The following VAV2 variants were observed in gnomAD, a reference collection of about 807,000 sequenced individuals.
VAV2 encodes vav guanine nucleotide exchange factor 2.
VAV2 carries 67 observed loss-of-function variants against 132.5 expected under a neutral mutation model. The ratio of observed to expected loss-of-function variants is 0.51; its 90% CI spans 0.42 to 0.62. The LOEUF is 0.62. Ranked by LOEUF, VAV2 falls within the 20% of genes least tolerant of loss-of-function variation. The pLI is 0.00. For synonymous variants in VAV2, 492 were observed against 443.5 expected (o/e 1.11, Z -1.37); for missense variants, 938 against 1,153.6 (o/e 0.81, Z 2.71).
chr9:133,864,707 T>C (rs1274199546), intron 2 of VAV2, among the ~76,000 whole-genome samples: 1 of 152,258 alleles, frequency 6.6e-6, no homozygotes, highest in Non-Finnish European at 1.5e-5. Flanking sequence ...TGGGGCCCTC[T>C]GTCCCCTAAG....
chr9:133,836,695 A>T (rs550326224), intron 3 of VAV2, among the ~76,000 whole-genome samples: 2 of 152,206 alleles, frequency 1.3e-5, no homozygotes, highest in Non-Finnish European at 2.9e-5. Context: ...CAGTTTAGGG[A>T]AACAGGGCAT....
In VAV2 at chr9:133,778,736, C is replaced by T. The variant is rs111610158; in HGVS notation, c.1890+26G>A. On this transcript the variant is annotated intron_variant, in intron 22 of 29. Transcript: ENST00000371850. ...GGGAGGAGCTGGAGCCGGGGACCCT[C>T]GACCCTCCCGGGCCCCAGGACCCAC... 2.0e-4 allele frequency: 329 copies of T among 1,609,786 alleles called. 1 individual carries two copies. In the East Asian group the frequency reaches 5.7e-3, roughly 28 times the overall value.
At chr9:133,838,851 ATGGGTGGG>A (rs796630630) in intron 3 of VAV2, among the ~76,000 whole-genome samples, 2 of 52,544 alleles carry the variant, frequency 3.8e-5, no homozygotes, top group Non-Finnish European at 6.3e-5. Flanking sequence ...GGATGGATGA[ATGGGTGGG>A]TGGGTGGGTG....
chr9:133,911,133 G>A (rs540775340), intron 2 of VAV2, among the ~76,000 whole-genome samples: 94 of 152,308 alleles, frequency 6.2e-4, no homozygotes, highest in African/African-American at 2.2e-3. Flanking sequence ...CATATTTACC[G>A]AAAGGAATGT....
At chr9:133,876,230 G>A (rs932651589) in intron 2 of VAV2, among the ~76,000 whole-genome samples, 21 of 152,236 alleles carry the variant, frequency 1.4e-4, no homozygotes, top group African/African-American at 3.6e-4. Context: ...TGCTATCAGC[G>A]CTGCTGTTCT....
At chr9:133,835,295 G>A (rs1399298563) in intron 3 of VAV2, among the ~76,000 whole-genome samples, 1 of 152,088 alleles carries the variant, frequency 6.6e-6, no homozygotes. Flanking sequence ...ACAGATGGGT[G>A]TGGCCCCGAG....
chr9:133,783,378 C>A, intron 19 of VAV2, 125 bp downstream of exon 19: 1 of 868,532 alleles, frequency 1.2e-6, no homozygotes, highest in African/African-American at 1.7e-5. Flanking sequence ...CACGTGAGCA[C>A]TGGTGCCCTC....
chr9:133,875,124 C>A (rs899536285), intron 2 of VAV2, among the ~76,000 whole-genome samples: 1 of 152,218 alleles, frequency 6.6e-6, no homozygotes, highest in Non-Finnish European at 1.5e-5. Context: ...GGATCACCTG[C>A]GTTTCTTTCA....
intron 13 of VAV2, among the ~76,000 whole-genome samples, chr9:133,791,153 C>T (rs1158966581): frequency 1.3e-5 from 2 of 152,180 alleles, no homozygotes; most frequent in African/African-American, 4.8e-5. Context: ...AAGTCGGCTC[C>T]GGTCAGCACA....
At chr9:133,947,376 C>T (rs142553753) in intron 1 of VAV2, among the ~76,000 whole-genome samples, 219 of 152,200 alleles carry the variant, frequency 1.4e-3, no homozygotes, top group Non-Finnish European at 2.1e-3. Flanking sequence ...ATGAGGAGAC[C>T]GAGACTCAGG....
rs1588370749 is a variant in VAV2 at position 133,919,724 on chromosome 9, G to C, written c.321+19379C>G. 6.6e-6 allele frequency among the ~76,000 whole-genome samples: 1 copy of C among 152,302 alleles called. No individual in the cohort carries two copies. ...ACAGCGCAGAGAGTGGGGCCAGATG[G>C]ACGTGGCCAGTCTCAGGGGAGCAAC... On this transcript the variant is annotated intron_variant, in intron 2 of 29. Transcript: ENST00000371850. The surrounding 1 kb of genome is among the most constrained non-coding windows in gnomAD (Gnocchi z 5.8).
At chr9:133,904,306 C>T (rs1385689761) in intron 2 of VAV2, among the ~76,000 whole-genome samples, 1 of 152,114 alleles carries the variant, frequency 6.6e-6, no homozygotes, top group African/African-American at 2.4e-5. Context: ...CGCTCTAAGA[C>T]ATTAAAAAGA....
chr9:133,937,411 TGA>T (rs1840952909), intron 2 of VAV2, among the ~76,000 whole-genome samples: 1 of 104,828 alleles, frequency 9.5e-6, no homozygotes, highest in Admixed American at 1.0e-4. Context: ...TGTGTGTGTG[TGA>T]GACTGTATGT....
intron 9 of VAV2, among the ~76,000 whole-genome samples, chr9:133,805,253 G>A (rs1572751): frequency 6.6e-6 from 1 of 152,028 alleles, no homozygotes; most frequent in East Asian, 1.9e-4. Flanking sequence ...CCAGGCCCCA[G>A]AGCAGACCCA....
Position 133,807,309 on chromosome 9 carries a change from C to T in VAV2, c.684G>A (p.Leu228=). The change falls in exon 8 of 30, where the codon CTG becomes CTA. Residue 228 remains leucine, a synonymous_variant. Coordinates refer to ENST00000371850, the MANE Select transcript of VAV2 (RefSeq NM_001134398.2). ...TGTCCGCCGGGCTCAGCACCAGCCG[C>T]AGGGGGCTCATGTAGTTCTGGAAGA... ...EDIEKNYMSP[L]RLVLSPADMA... The T allele has an allele frequency of 6.2e-7, 1 of 1,611,020 alleles. No individual in the cohort carries two copies. The highest frequency in any genetic ancestry group is 8.5e-7 in the Non-Finnish European group (1 of 1,179,238).
intron 1 of VAV2, among the ~76,000 whole-genome samples, chr9:133,947,014 C>T (rs1841382836): frequency 6.6e-6 from 1 of 152,280 alleles, no homozygotes; most frequent in African/African-American, 2.4e-5. Context: ...AATGAATGAA[C>T]AAATGAATGA....
At chr9:133,964,510 T>C (rs1384018717) in intron 1 of VAV2, among the ~76,000 whole-genome samples, 1 of 152,132 alleles carries the variant, frequency 6.6e-6, no homozygotes, top group Non-Finnish European at 1.5e-5. Flanking sequence ...GAAAAATACA[T>C]TTTAGCACAA....
Position 133,787,247 on chromosome 9 carries a change from A to AT in VAV2, c.1420dup (p.Met474AsnfsTer35). 1 of 1,585,320 alleles carries AT rather than the reference A, an allele frequency of 6.3e-7. No individual in the cohort carries two copies. Among genetic ancestry groups the AT allele is most frequent in the Non-Finnish European group, 8.6e-7 (1 of 1,163,474 alleles). On this transcript the variant is annotated frameshift_variant and splice_region_variant, in exon 16 of 30. Coordinates refer to ENST00000371850, the MANE Select transcript of VAV2 (RefSeq NM_001134398.2). LOFTEE classifies it high-confidence loss of function. ...AGGACCTGGGCGCTAGGTGCTTACC[A>AT]TTTTCCCGTGAGACTAGGAAGCATG...
At position 133,957,659 on chromosome 9, in the gene VAV2, G is replaced by A. The variant is rs570984115; in HGVS notation, c.205-18440C>T. ...GAGGAATGTTGAGTTCCCTGCACCC[G>A]CTGTCACCGTCACAGCTGGCCCCAC... On this transcript the variant is annotated intron_variant, in intron 1 of 29. Coordinates refer to ENST00000371850, the MANE Select transcript of VAV2 (RefSeq NM_001134398.2). Among the ~76,000 whole-genome samples, 5 of 152,114 alleles carry A rather than the reference G, an allele frequency of 3.3e-5. No individual in the cohort carries two copies. The South Asian group carries it at 6.2e-4, about 19-fold the overall frequency.
Sources: allele counts gnomAD v4.1 joint callset (sites outside exome capture counted in the v4.1 genomes callset), GRCh38; gene constraint gnomAD v4.1.1; non-coding constraint Gnocchi (gnomAD v3.1); transcripts MANE v1.5; gene names NCBI Gene and HGNC (gene_info 2026-07-23, HGNC 2026-07-21).